TTC38: variants seen among roughly 807,000 people sequenced by gnomAD.
The protein encoded by TTC38 is tetratricopeptide repeat domain 38, also known as tetratricopeptide repeat protein 38.
A neutral mutation model predicts 64.2 loss-of-function variants in TTC38; 64 were observed. That is an observed-to-expected ratio of 1.00 (90% CI 0.81 to 1.23). The LOEUF (loss-of-function observed/expected upper bound fraction) is 1.23, where lower values mean the gene tolerates loss of function less well. Among genes scored for constraint, TTC38 ranks in the 50% most tolerant of loss-of-function variants. The pLI, the probability that TTC38 is intolerant of heterozygous loss-of-function variation, is 0.00. For synonymous variants in TTC38, 254 were observed against 249.3 expected, an observed-to-expected ratio of 1.02 and a Z score of -0.18; for missense variants, 573 against 615.5, an observed-to-expected ratio of 0.93 and a Z score of 0.73.
At position 46,271,571 on chromosome 22, in the gene TTC38, C is replaced by T. The variant is rs909146210; in HGVS notation, c.112-764C>T. On this transcript the variant is annotated intron_variant, in intron 2 of 13. Transcript: ENST00000381031. This position sits in a 1 kb window ranked among gnomAD's most constrained non-coding sequence, Gnocchi z 5.5. ...GGTGCAGTGGCACGATCTCAGCTCA[C>T]TGCAACCTCTACCTCCCAGGTTCAG... Among the ~76,000 whole-genome samples the T allele has an allele frequency of 8.6e-5, 13 of 152,042 alleles. No homozygotes were observed. Among genetic ancestry groups the T allele is most frequent in the Non-Finnish European group, 1.5e-4 (10 of 67,994 alleles).
In TTC38 at chr22:46,292,298, C is replaced by T; in HGVS notation, c.1317-493C>T. The T allele has an allele frequency of 2.4e-6, 1 of 413,280 alleles. No homozygotes were observed. The highest frequency in any genetic ancestry group is 4.7e-6 in the Non-Finnish European group (1 of 210,692). The allele number at this position is 413,280 out of a possible 1,614,324, so 25.6% of individuals were successfully genotyped here. On this transcript the variant is annotated intron_variant, in intron 13 of 13. Transcript: ENST00000381031. This position sits in a 1 kb window ranked among gnomAD's most constrained non-coding sequence, Gnocchi z 6.5. ...TCCTGGGCTCAAGGAATCTTCCTGC[C>T]TCATCCTTCCATCGTGCAGGGATTA...
chr22:46,285,734 C>T (rs1211681834), intron 9 of TTC38, among the ~76,000 whole-genome samples: 1 of 151,874 alleles, frequency 6.6e-6, no homozygotes, highest in Non-Finnish European at 1.5e-5. Context: ...TGTACAAGGC[C>T]GGGTGTGGTG....
chr22:46,275,540 C>A lies in TTC38; in HGVS notation c.539+119C>A. ...TAATGGGACCACTGTTGCTATTCTCCTAGTTCCTTAAAGTTCAAAGGCCTC... is the reference window on the plus strand; with the variant it reads ...TAATGGGACCACTGTTGCTATTCTCATAGTTCCTTAAAGTTCAAAGGCCTC... On this transcript the variant is annotated intron_variant, in intron 5 of 13. Coordinates refer to ENST00000381031, the MANE Select transcript of TTC38 (RefSeq NM_017931.4). This position sits in a 1 kb window ranked among gnomAD's most constrained non-coding sequence, Gnocchi z 4.5. 1.9e-6 allele frequency: 2 copies of A among 1,050,266 alleles called. No homozygotes were observed. The highest frequency in any genetic ancestry group is 4.9e-5 in the East Asian group (2 of 40,724). 65.1% of individuals were successfully genotyped at this position (1,050,266 alleles called of 1,614,324 possible).
chr22:46,289,316 A>T (rs2077594709), intron 11 of TTC38, 86 bp from the exon 12 acceptor site: 1 of 1,507,158 alleles, frequency 6.6e-7, no homozygotes, highest in African/African-American at 1.4e-5. Flanking sequence ...TGGACCAGGG[A>T]CACCTCGCTG....
chr22:46,287,177 T>A, intron 10 of TTC38, 23 bp downstream of exon 10: 1 of 1,582,718 alleles, frequency 6.3e-7, no homozygotes, highest in Non-Finnish European at 8.6e-7. Context: ...GCAGCCCCAC[T>A]GGCTTCTGCC....
rs958427708 is a variant in TTC38 at position 46,272,255 on chromosome 22, T to C, written c.112-80T>C. The C allele has an allele frequency of 8.1e-7, 1 of 1,237,164 alleles. No individual in the cohort carries two copies. Among genetic ancestry groups the C allele is most frequent in the African/African-American group, 1.5e-5 (1 of 67,260 alleles). The allele number at this position is 1,237,164 out of a possible 1,614,324, so 76.6% of individuals were successfully genotyped here. The stretch of plus-strand genomic sequence containing the variant: ...TTCTGCCCGCCTCGGCCTCCCAAAG[T>C]GTAAACCTGGATTTAGAGCCACCTT... On this transcript the variant is annotated intron_variant, in intron 2 of 13. Transcript: ENST00000381031. This position sits in a 1 kb window ranked among gnomAD's most constrained non-coding sequence, Gnocchi z 6.4.
At chr22:46,279,726 C>A (rs1431469754) in intron 6 of TTC38, among the ~76,000 whole-genome samples, 1 of 152,220 alleles carries the variant, frequency 6.6e-6, no homozygotes, top group Non-Finnish European at 1.5e-5. Flanking sequence ...AACTCTGAGT[C>A]AGGGCAGGTG....
rs775917117 is a variant in TTC38, at chr22:46,292,866, C to G, written c.1392C>G (p.Thr464=). 8.7e-6 allele frequency: 14 copies of G among 1,613,716 alleles called. No individual in the cohort carries two copies. Among genetic ancestry groups the G allele is most frequent in the Non-Finnish European group, 1.1e-5 (13 of 1,179,762 alleles). Residue 464 remains threonine, a synonymous_variant, in exon 14 of 14, where the codon ACC becomes ACG. Coordinates refer to ENST00000381031, the MANE Select transcript of TTC38 (RefSeq NM_017931.4). This position sits in a 1 kb window ranked among gnomAD's most constrained non-coding sequence, Gnocchi z 6.5. ...LTERLIRKAA[T]VHLMQ The stretch of plus-strand genomic sequence containing the variant: ...AGCGGCTCATCCGCAAGGCAGCTAC[C>G]GTCCACCTCATGCAGTGAGCCAGCC...
chr22:46,292,308 C>A lies in TTC38; in HGVS notation c.1317-483C>A. 2 of 404,182 alleles carry A rather than the reference C, an allele frequency of 4.9e-6. No individual in the cohort carries two copies. Among genetic ancestry groups the A allele is most frequent in the Admixed American group, 2.9e-5 (1 of 33,914 alleles). 25.0% of individuals were successfully genotyped at this position (404,182 alleles called of 1,614,324 possible). ...AAGGAATCTTCCTGCCTCATCCTTC[C>A]ATCGTGCAGGGATTACAGGGGTGAG... On this transcript the variant is annotated intron_variant, in intron 13 of 13. Transcript: ENST00000381031. This position sits in a 1 kb window ranked among gnomAD's most constrained non-coding sequence, Gnocchi z 6.5.
intron 7 of TTC38, 56 bp from the exon 8 acceptor site, chr22:46,283,917 T>G: frequency 7.6e-7 from 1 of 1,320,068 alleles, no homozygotes; most frequent in Non-Finnish European, 1.0e-6. Flanking sequence ...AACATTTGTT[T>G]TTTTCCCATA....
rs1168329883 is a variant in TTC38, at chr22:46,292,489, T to TCCACAGCAGGGTCTTTACC, written c.1317-301_1317-283dup. Among the ~76,000 whole-genome samples, 5 of 152,224 alleles carry TCCACAGCAGGGTCTTTACC rather than the reference T, an allele frequency of 3.3e-5. No individual in the cohort carries two copies. The highest frequency in any genetic ancestry group is 1.2e-4 in the African/African-American group (5 of 41,460). Reference sequence around the variant, plus strand: ...ATTTAGCCTGGACACAGACATTCAGTCCACAGCAGGGTCTTTACCTCAAAC... The same window carrying TCCACAGCAGGGTCTTTACC: ...ATTTAGCCTGGACACAGACATTCAGTCCACAGCAGGGTCTTTACCCCACAGCAGGGTCTTTACCTCAAAC... On this transcript the variant is annotated intron_variant, in intron 13 of 13. Transcript: ENST00000381031. This position sits in a 1 kb window ranked among gnomAD's most constrained non-coding sequence, Gnocchi z 6.5.
chr22:46,278,433 C>G (rs1420123209), intron 5 of TTC38, among the ~76,000 whole-genome samples, 153 bp from the exon 6 acceptor site: 1 of 152,226 alleles, frequency 6.6e-6, no homozygotes, highest in Non-Finnish European at 1.5e-5. Context: ...ATGACCTCCT[C>G]TAAACTTATT....
At position 46,289,421 on chromosome 22, in the gene TTC38, C is replaced by G; in HGVS notation, c.1102C>G (p.Gln368Glu). ...TCGCAGATCCCCAGGGGAGAACTGCCAGCACCTCCTGGCCCGAGACGTGGG... is the reference window on the plus strand; with the variant it reads ...TCGCAGATCCCCAGGGGAGAACTGCGAGCACCTCCTGGCCCGAGACGTGGG... Reference protein sequence around the residue: ...DASESPGENCQHLLARDVGLP... With the variant: ...DASESPGENCEHLLARDVGLP... The change falls in exon 12 of 14, where the codon CAG becomes GAG. Residue 368 changes from glutamine (Q) to glutamate (E), a missense_variant. Coordinates refer to ENST00000381031, the MANE Select transcript of TTC38 (RefSeq NM_017931.4). 5 of 1,609,414 alleles carry G rather than the reference C, an allele frequency of 3.1e-6. No homozygotes were observed. The highest frequency in any genetic ancestry group is 4.2e-6 in the Non-Finnish European group (5 of 1,179,670).
intron 7 of TTC38, among the ~76,000 whole-genome samples, chr22:46,283,450 TCC>T (rs2077548976): frequency 2.0e-5 from 3 of 152,186 alleles, no homozygotes; most frequent in Non-Finnish European, 4.4e-5. Flanking sequence ...AGCCTCAGTT[TCC>T]TCCTTGGTAA....
chr22:46,271,598 C>T lies in TTC38; in HGVS notation c.112-737C>T, dbSNP rs146020324. 1.4e-4 allele frequency among the ~76,000 whole-genome samples: 21 copies of T among 152,174 alleles called. No individual in the cohort carries two copies. In the East Asian group the frequency reaches 3.9e-3, roughly 28 times the overall value. ...GCAACCTCTACCTCCCAGGTTCAGG[C>T]GATTCTCCTGTCTCAGCCACCCAAG... is the stretch of plus-strand genomic sequence containing the variant. On this transcript the variant is annotated intron_variant, in intron 2 of 13. Coordinates refer to ENST00000381031, the MANE Select transcript of TTC38 (RefSeq NM_017931.4). This position sits in a 1 kb window ranked among gnomAD's most constrained non-coding sequence, Gnocchi z 5.5.
At position 46,287,498 on chromosome 22, in the gene TTC38, G is replaced by A. The variant is rs372887563; in HGVS notation, c.916+344G>A. Among the ~76,000 whole-genome samples the A allele has an allele frequency of 7.9e-5, 12 of 152,328 alleles. No homozygotes were observed. The South Asian group carries it at 1.4e-3, about 18-fold the overall frequency. On this transcript the variant is annotated intron_variant, in intron 10 of 13. Coordinates refer to ENST00000381031, the MANE Select transcript of TTC38 (RefSeq NM_017931.4). ...CTGGTAGCACCTGGCCACCTGTCTC[G>A]ATGCCACCTCCTTTCCTAAAACATG...
Position 46,270,819 on chromosome 22 carries a change from G to T in TTC38, c.112-1516G>T, listed in dbSNP as rs1936878376. ...ACTGCCTTCCAGCCTGGGTGACAGG[G>T]CAAGACTCCATCTCAAAAAAGAAAA... On this transcript the variant is annotated intron_variant, in intron 2 of 13. Coordinates refer to ENST00000381031, the MANE Select transcript of TTC38 (RefSeq NM_017931.4). This position sits in a 1 kb window ranked among gnomAD's most constrained non-coding sequence, Gnocchi z 4.7. Among the ~76,000 whole-genome samples, 1 of 151,964 alleles carries T rather than the reference G, an allele frequency of 6.6e-6. No homozygotes were observed. Among genetic ancestry groups the T allele is most frequent in the Non-Finnish European group, 1.5e-5 (1 of 68,008 alleles).
Position 46,275,398 on chromosome 22 carries a change from G to C in TTC38, c.516G>C (p.Trp172Cys), listed in dbSNP as rs1179367400. 1 of 1,613,746 alleles carries C rather than the reference G, an allele frequency of 6.2e-7. No individual in the cohort carries two copies. Among genetic ancestry groups the C allele is most frequent in the Non-Finnish European group, 8.5e-7 (1 of 1,179,930 alleles). Residue 172 changes from tryptophan (W) to cysteine (C), a missense_variant, in exon 5 of 14, where the codon TGG becomes TGC. This residue lies in a region of TTC38 where 68 missense variants were observed against 107.3 expected (regional missense o/e 0.63). Transcript: ENST00000381031. This position sits in a 1 kb window ranked among gnomAD's most constrained non-coding sequence, Gnocchi z 4.5. ...CTGTTGCTCGAATTTACCCCTTCTG[G>C]ACACCTGACATCCCCCTAAGCAGGT... ...RDSVARIYPFWTPDIPLSSYV... is the reference protein window; with the variant it reads ...RDSVARIYPFCTPDIPLSSYV...
intron 2 of TTC38, chr22:46,269,097 C>CG: frequency 2.4e-6 from 1 of 422,084 alleles, no homozygotes. Context: ...TGCCCCCCCC[C>CG]CACAGCGTCC....
Sources: gnomAD v4.1 joint callset for allele counts (sites outside exome capture counted in the v4.1 genomes callset) on GRCh38, gnomAD v4.1.1 for gene constraint, gnomAD v4.1.1 regional missense constraint, Gnocchi (gnomAD v3.1) non-coding constraint, MANE v1.5 for transcripts, NCBI Gene and HGNC (gene_info 2026-07-23, HGNC 2026-07-21) for gene names.